The following ELMO1 variants were observed in gnomAD, a reference collection of about 807,000 sequenced individuals.
ELMO1 encodes engulfment and cell motility 1, also known as engulfment and cell motility protein 1.
ELMO1 carries 26 observed loss-of-function variants against 98.9 expected under a neutral mutation model. The ratio of observed to expected loss-of-function variants is 0.26; its 90% confidence interval spans 0.19 to 0.36. The LOEUF (loss-of-function observed/expected upper bound fraction) is 0.36. ELMO1 is among the 10% of genes least tolerant of loss of function. The pLI, the probability that ELMO1 is intolerant of heterozygous loss-of-function variation, is 1.00. For missense variants in ELMO1, 627 were observed against 935.2 expected (o/e 0.67, Z 4.30); for synonymous variants, 346 against 346.0 (o/e 1.00, Z 0.00).
intron 16 of ELMO1, among the ~76,000 whole-genome samples, chr7:36,915,332 A>G (rs1315952360): frequency 6.6e-6 from 1 of 152,358 alleles, no homozygotes; most frequent in East Asian, 1.9e-4. Flanking sequence ...AACACTACTC[A>G]TAATATATGC....
chr7:37,425,071 A>G (rs1454089815), intron 1 of ELMO1, among the ~76,000 whole-genome samples: 1 of 152,180 alleles, frequency 6.6e-6, no homozygotes, highest in African/African-American at 2.4e-5. Context: ...CAGTCTTCAT[A>G]GATTTATGGT....
chr7:37,069,693 C>T (rs555987819), intron 15 of ELMO1, among the ~76,000 whole-genome samples: 62 of 152,218 alleles, frequency 4.1e-4, no homozygotes, highest in African/African-American at 1.2e-3. Flanking sequence ...AACCGATCTC[C>T]GATTTCATAC....
rs1452616909 is a variant in ELMO1, at chr7:36,978,181, G to A, written c.1437+35118C>T. On this transcript the variant is annotated intron_variant, in intron 16 of 21. Coordinates refer to ENST00000310758, the MANE Select transcript of ELMO1 (RefSeq NM_014800.11). The stretch of plus-strand genomic sequence containing the variant: ...TTTCTGAACCTCACTTTCTTTACCT[G>A]TAATAAGGTAACTGCATGCTACTAC... Among the ~76,000 whole-genome samples, 4 of 152,094 alleles carry A rather than the reference G, an allele frequency of 2.6e-5. No individual in the cohort carries two copies. In the South Asian group the frequency reaches 6.2e-4, roughly 24 times the overall value.
intron 20 of ELMO1, among the ~76,000 whole-genome samples, chr7:36,864,502 G>A (rs186730325): frequency 2.6e-5 from 4 of 152,312 alleles, no homozygotes; most frequent in Admixed American, 6.5e-5. Flanking sequence ...GGGTGTTATC[G>A]CTTGTAATGG....
chr7:37,175,383 T>C (rs996926780), intron 13 of ELMO1, among the ~76,000 whole-genome samples: 1 of 152,186 alleles, frequency 6.6e-6, no homozygotes, highest in Non-Finnish European at 1.5e-5. Flanking sequence ...TAGTAACACA[T>C]CACAGAAAGT....
chr7:37,101,781 TA>T (rs1323895612), intron 14 of ELMO1, among the ~76,000 whole-genome samples: 1 of 151,934 alleles, frequency 6.6e-6, no homozygotes, highest in African/African-American at 2.4e-5. Flanking sequence ...GTGAAGACAC[TA>T]AAACGGAGTC....
chr7:37,332,059 T>C (rs556120810), intron 2 of ELMO1, among the ~76,000 whole-genome samples: 19 of 152,312 alleles, frequency 1.2e-4, no homozygotes, highest in African/African-American at 4.6e-4. Context: ...ATGATGAGGC[T>C]GATCAATCCA....
chr7:37,043,422 G>T (rs1795633562), intron 15 of ELMO1, among the ~76,000 whole-genome samples: 1 of 152,186 alleles, frequency 6.6e-6, no homozygotes, highest in South Asian at 2.1e-4. Context: ...CAGAGGAGTG[G>T]CTGCCAGGGC....
chr7:36,878,457 A>G (rs1804149341), intron 18 of ELMO1, among the ~76,000 whole-genome samples: 1 of 151,826 alleles, frequency 6.6e-6, no homozygotes, highest in African/African-American at 2.4e-5. Context: ...TTTACTGACA[A>G]AAGAGGGAGG....
At position 36,878,074 on chromosome 7, in the gene ELMO1, C is replaced by A. The variant is rs1307699750; in HGVS notation, c.1758G>T (p.Leu586=). The change falls in exon 19 of 22, where the codon CTG becomes CTT. Residue 586 remains leucine, a synonymous_variant. Coordinates refer to ENST00000310758, the MANE Select transcript of ELMO1 (RefSeq NM_014800.11). ...GACTCTCTTCTAAGTCTCCGTAATG[C>A]AGGACTTTGTGATTTGGCGAAAGCC... ...YCRLSPNHKV[L]HYGDLEESPQ... The A allele has an allele frequency of 1.2e-6, 2 of 1,614,100 alleles. No homozygotes were observed.
chr7:37,181,871 C>T (rs1327504896), intron 13 of ELMO1, among the ~76,000 whole-genome samples: 1 of 152,188 alleles, frequency 6.6e-6, no homozygotes, highest in East Asian at 1.9e-4. Flanking sequence ...CTGATTACTG[C>T]ATCCCTAGCA....
intron 15 of ELMO1, among the ~76,000 whole-genome samples, chr7:37,080,079 G>A (rs1797782901): frequency 6.6e-6 from 1 of 152,054 alleles, no homozygotes; most frequent in Non-Finnish European, 1.5e-5. Flanking sequence ...CCTGCTTCTA[G>A]TCATCCATCC....
At chr7:37,206,106 T>C (rs1426193287) in intron 13 of ELMO1, among the ~76,000 whole-genome samples, 2 of 152,178 alleles carry the variant, frequency 1.3e-5, no homozygotes, top group Non-Finnish European at 2.9e-5. Context: ...TCTCTCACGG[T>C]GTCACAGAGC....
chr7:37,439,144 C>T (rs866094830), intron 1 of ELMO1, among the ~76,000 whole-genome samples: 3 of 152,278 alleles, frequency 2.0e-5, no homozygotes, highest in Admixed American at 6.5e-5. Flanking sequence ...CTTTCCTCTG[C>T]CCCTCCCTCC....
chr7:37,374,896 C>T (rs1447853722), intron 1 of ELMO1, among the ~76,000 whole-genome samples: 1 of 151,632 alleles, frequency 6.6e-6, no homozygotes, highest in Non-Finnish European at 1.5e-5. Flanking sequence ...TACGTCTCTA[C>T]TAAAAATACA....
intron 13 of ELMO1, among the ~76,000 whole-genome samples, chr7:37,187,341 T>C (rs2130088057): frequency 6.6e-6 from 1 of 152,276 alleles, no homozygotes; most frequent in South Asian, 2.1e-4. Context: ...TGGGTCTTGT[T>C]GGGATAATGA....
At chr7:37,187,281 A>C (rs1289125889) in intron 13 of ELMO1, among the ~76,000 whole-genome samples, 1 of 152,166 alleles carries the variant, frequency 6.6e-6, no homozygotes, top group Admixed American at 6.5e-5. Flanking sequence ...AACGTAGACT[A>C]ATTGGTTGCC....
intron 4 of ELMO1, among the ~76,000 whole-genome samples, chr7:37,273,023 G>A (rs539316818): frequency 7.9e-5 from 12 of 152,314 alleles, no homozygotes; most frequent in African/African-American, 2.6e-4. Flanking sequence ...TCATTGTGAC[G>A]TCTGTCTCAG....
chr7:37,197,580 G>C (rs1792043268), intron 13 of ELMO1, among the ~76,000 whole-genome samples: 1 of 152,358 alleles, frequency 6.6e-6, no homozygotes, highest in South Asian at 2.1e-4. Context: ...CACTGTCTCA[G>C]GAGAAAGGAT....
Sources: gnomAD v4.1 joint callset for allele counts (sites outside exome capture counted in the v4.1 genomes callset) on GRCh38, gnomAD v4.1.1 for gene constraint, MANE v1.5 for transcripts, NCBI Gene and HGNC (gene_info 2026-07-23, HGNC 2026-07-21) for gene names.